Variants in CAPN11 observed in about 807,000 individuals in gnomAD.
CAPN11 encodes the protein calpain 11.
CAPN11 carries 108 observed loss-of-function variants against 105.3 expected under a neutral mutation model. The observed-to-expected ratio is 1.03, with a 90% confidence interval of 0.88 to 1.20. CAPN11 has a LOEUF of 1.20. Among genes scored for constraint, CAPN11 ranks in the 50% most tolerant of loss-of-function variants. The pLI is 0.00. For missense variants in CAPN11, 883 were observed against 924.8 expected (o/e 0.95, Z 0.59); for synonymous variants, 329 against 344.5 (o/e 0.96, Z 0.50).
chr6:44,180,420 T>TC, intron 14 of CAPN11, 40 bp from the exon 15 acceptor site: 1 of 1,183,576 alleles, frequency 8.4e-7, no homozygotes, highest in Non-Finnish European at 1.2e-6. Context: ...CCCACCTCCC[T>TC]CCCCCTGGTA....
At chr6:44,180,388 C>A in intron 14 of CAPN11, 72 bp from the exon 15 acceptor site, 2 of 1,433,346 alleles carry the variant, frequency 1.4e-6, no homozygotes, top group Non-Finnish European at 2.0e-6. Context: ...TGACATGACC[C>A]CCAGAGCACC....
At position 44,177,423 on chromosome 6, in the gene CAPN11, G is replaced by A. The variant is rs1243763319; in HGVS notation, c.1416+3G>A. ...CCATTGGCTTTGTCCTCTACGCGGT[G>A]GGTGCCTGGCTGGTCTCGCCCGCCA... On this transcript the variant is annotated splice_donor_region_variant and intron_variant, in intron 12 of 22. Coordinates refer to ENST00000398776, the MANE Select transcript of CAPN11 (RefSeq NM_007058.4). 6.2e-7 allele frequency: 1 copy of A among 1,608,282 alleles called. No individual in the cohort carries two copies. The highest frequency in any genetic ancestry group is 8.5e-7 in the Non-Finnish European group (1 of 1,176,262).
At chr6:44,160,759 T>C (rs977863909) in intron 1 of CAPN11, among the ~76,000 whole-genome samples, 1 of 152,260 alleles carries the variant, frequency 6.6e-6, no homozygotes, top group African/African-American at 2.4e-5. Context: ...GCCCCTGCTT[T>C]CCACGCAGTT....
At chr6:44,162,701 G>T (rs139186354) in intron 1 of CAPN11, among the ~76,000 whole-genome samples, 3 of 152,266 alleles carry the variant, frequency 2.0e-5, no homozygotes, top group Non-Finnish European at 4.4e-5. Context: ...CATCAACCTG[G>T]TGGCCCCTTT....
rs373070433 is a variant in CAPN11 at position 44,177,307 on chromosome 6, G to A, written c.1303G>A (p.Ala435Thr). 3.7e-6 allele frequency: 6 copies of A among 1,613,468 alleles called. No homozygotes were observed. The African/African-American group carries it at 5.3e-5, about 14-fold the overall frequency. Residue 435 changes from alanine to threonine, a missense_variant, in exon 12 of 23, where the codon GCA becomes ACA. Coordinates refer to ENST00000398776, the MANE Select transcript of CAPN11 (RefSeq NM_007058.4). Reference sequence around the variant, plus strand: ...TGAGGGGGATGACCCAGAGGATGACGCAGAGGGCAATGTTGTGGTCTGCAC... The same window carrying A: ...TGAGGGGGATGACCCAGAGGATGACACAGAGGGCAATGTTGTGGTCTGCAC... ...LPEGDDPEDD[A>T]EGNVVVCTCL...
chr6:44,173,697 C>T (rs1250886741), intron 7 of CAPN11, among the ~76,000 whole-genome samples: 3 of 152,090 alleles, frequency 2.0e-5, no homozygotes, highest in Admixed American at 6.5e-5. Context: ...ATTCTCCTCC[C>T]TCAGCCTCCC....
Position 44,176,130 on chromosome 6 carries a change from C to G in CAPN11, c.894C>G (p.Tyr298Ter), listed in dbSNP as rs777836122. 6 of 1,613,068 alleles carry G rather than the reference C, an allele frequency of 3.7e-6. No individual in the cohort carries two copies. The highest frequency in any genetic ancestry group is 5.1e-6 in the Non-Finnish European group (6 of 1,179,378). ...TDKMLVRGHA[Y>*]SVTGLQDVHY... is the part of the protein sequence containing the mutation. ...AGATGCTGGTGAGAGGGCACGCTTA[C>G]TCTGTGACTGGCCTTCAGGATGTGA... The change falls in exon 8 of 23, where the codon TAC becomes TAG. Residue 298 changes from tyrosine (Y) to a stop codon, truncating the protein, a stop_gained. Transcript: ENST00000398776. LOFTEE classifies it high-confidence loss of function.
chr6:44,171,586 G>T (rs12529243), intron 4 of CAPN11, among the ~76,000 whole-genome samples: 35,983 of 152,094 alleles, frequency 0.24, 5,469 homozygotes, highest in Non-Finnish European at 0.34. Flanking sequence ...CTAGCACCTT[G>T]GGAGGCCAAG....
intron 12 of CAPN11, among the ~76,000 whole-genome samples, chr6:44,177,763 A>G (rs1772370990): frequency 6.6e-6 from 1 of 152,098 alleles, no homozygotes. Context: ...TTGGAATTAC[A>G]GGTGTGAGCC....
rs758902018 is a variant in CAPN11, at chr6:44,173,265, G to A, written c.710G>A (p.Gly237Asp). The A allele has an allele frequency of 2.5e-6, 4 of 1,613,964 alleles. No individual in the cohort carries two copies. The highest frequency in any genetic ancestry group is 1.7e-6 in the Non-Finnish European group (2 of 1,179,880). ...EALSGGSTME[G>D]LEDFTGGVAQ... ...TTGTCAGGGGGCAGTACCATGGAGGGCCTTGAGGACTTCACAGGAGGCGTG... is the reference window on the plus strand; with the variant it reads ...TTGTCAGGGGGCAGTACCATGGAGGACCTTGAGGACTTCACAGGAGGCGTG... Residue 237 changes from glycine to aspartate, a missense_variant, in exon 7 of 23, where the codon GGC (glycine) becomes GAC (aspartate). Physicochemically the swap from Gly to Asp is moderately conservative, Grantham distance 94. Coordinates refer to ENST00000398776, the MANE Select transcript of CAPN11 (RefSeq NM_007058.4).
chr6:44,182,566 C>T (rs1160557282), intron 19 of CAPN11, among the ~76,000 whole-genome samples: 1 of 152,102 alleles, frequency 6.6e-6, no homozygotes, highest in Admixed American at 6.5e-5. Context: ...TCTTAGGCCA[C>T]TGCTGTGAGC....
At chr6:44,174,708 C>T (rs1771664135) in intron 7 of CAPN11, among the ~76,000 whole-genome samples, 1 of 149,732 alleles carries the variant, frequency 6.7e-6, no homozygotes, top group East Asian at 1.9e-4. Flanking sequence ...CAACATCCAC[C>T]TCCTGGGTTC....
Position 44,172,327 on chromosome 6 carries a change from C to G in CAPN11, c.435C>G (p.Ile145Met), listed in dbSNP as rs753601236. 8.3e-6 allele frequency: 13 copies of G among 1,557,590 alleles called. No individual in the cohort carries two copies. The highest frequency in any genetic ancestry group is 1.0e-5 in the Non-Finnish European group (12 of 1,150,876). ...GGGACTGCTGGCTGCTGGCTGCCAT[C>G]GGCTCCCTTACCACCTGCCCCAAAC... ...ILGDCWLLAA[I>M]GSLTTCPKLL... Residue 145 changes from isoleucine to methionine, a missense_variant, in exon 5 of 23, where the codon ATC becomes ATG. Coordinates refer to ENST00000398776, the MANE Select transcript of CAPN11 (RefSeq NM_007058.4).
intron 1 of CAPN11, among the ~76,000 whole-genome samples, chr6:44,166,050 G>A (rs1769777133): frequency 6.6e-6 from 1 of 152,072 alleles, no homozygotes; most frequent in Admixed American, 6.6e-5. Context: ...GTTTTGATGT[G>A]GGATGCGGTG....
At chr6:44,167,915 T>C (rs2396169) in intron 2 of CAPN11, among the ~76,000 whole-genome samples, 117,594 of 150,250 alleles carry the variant, frequency 0.78, 46,806 homozygotes, top group African/African-American at 0.93. Context: ...GACTCTGTTT[T>C]GAAAAAAAAA....
chr6:44,173,744 G>A (rs2128304528), intron 7 of CAPN11, among the ~76,000 whole-genome samples: 1 of 151,908 alleles, frequency 6.6e-6, no homozygotes, highest in East Asian at 1.9e-4. Flanking sequence ...CACCCTGCCT[G>A]CGTAGTTTTT....
chr6:44,181,063 A>T (rs1440076382), intron 18 of CAPN11, 66 bp downstream of exon 18: 1 of 1,438,924 alleles, frequency 6.9e-7, no homozygotes, highest in East Asian at 2.3e-5. Flanking sequence ...AGAGATGGCC[A>T]CCCTGGGCCA....
intron 19 of CAPN11, among the ~76,000 whole-genome samples, chr6:44,181,574 C>CCACACTCA (rs1554132267): frequency 0.032 from 160 of 4,924 alleles, 44 homozygotes; most frequent in Non-Finnish European, 0.044. Context: ...CACAACCACA[C>CCACACTCA]CACACATACA....
At chr6:44,183,458 T>C (rs1366954926) in intron 21 of CAPN11, among the ~76,000 whole-genome samples, 3 of 152,134 alleles carry the variant, frequency 2.0e-5, no homozygotes, top group Admixed American at 6.5e-5. Flanking sequence ...TGGATAATAA[T>C]AGTACTGCCC....
Sources: gnomAD v4.1 joint callset for allele counts (sites outside exome capture counted in the v4.1 genomes callset) on GRCh38, gnomAD v4.1.1 for gene constraint, MANE v1.5 for transcripts, NCBI Gene and HGNC (gene_info 2026-07-23, HGNC 2026-07-21) for gene names.